Variants in PREX2 observed in about 807,000 individuals in gnomAD.
PREX2 encodes the protein phosphatidylinositol-3,4,5-trisphosphate dependent Rac exchange factor 2.
Under a neutral mutation model 203.2 loss-of-function variants are expected in PREX2, and 107 were observed. The observed-to-expected ratio is 0.53, with a 90% confidence interval of 0.45 to 0.62. The LOEUF (loss-of-function observed/expected upper bound fraction) is 0.62, where lower values mean the gene tolerates loss of function less well. Among genes scored for constraint, PREX2 ranks in the 20% least tolerant of loss-of-function variants. The pLI is 0.00. For synonymous variants in PREX2, 672 were observed against 663.6 expected, an observed-to-expected ratio of 1.01 and a Z score of -0.19; for missense variants, 1,777 against 1,955.9, an observed-to-expected ratio of 0.91 and a Z score of 1.72.
rs1460858634 is a variant in PREX2, at chr8:68,099,789, C to A, written c.2661C>A (p.Ala887=). 1.2e-6 allele frequency: 2 copies of A among 1,611,922 alleles called. No individual in the cohort carries two copies. Among genetic ancestry groups the A allele is most frequent in the Middle Eastern group, 3.3e-4 (2 of 6,052 alleles). Residue 887 remains alanine, a synonymous_variant, in exon 23 of 40, where the codon GCC becomes GCA. Coordinates refer to ENST00000288368, the MANE Select transcript of PREX2 (RefSeq NM_024870.4). The part of the protein sequence containing the change: ...IPTDLQSKFS[A]LCSERIEHLC... ...CTGACCTTCAGAGTAAATTCAGTGCCCTTTGCAGTGAAAGAATTGAACACC... is the reference window on the plus strand; with the variant it reads ...CTGACCTTCAGAGTAAATTCAGTGCACTTTGCAGTGAAAGAATTGAACACC...
chr8:68,025,416 T>C (rs762655183), intron 4 of PREX2, among the ~76,000 whole-genome samples: 4 of 151,994 alleles, frequency 2.6e-5, no homozygotes, highest in Non-Finnish European at 4.4e-5. Flanking sequence ...ATTTTTCTCT[T>C]TTTTGCTGCT....
Position 68,098,936 on chromosome 8 carries a change from G to GTATATA in PREX2, c.2554-745_2554-744insATATAT, listed in dbSNP as rs1353078022. The stretch of plus-strand genomic sequence containing the variant: ...TTAATCAGAAATGCTACATATATAT[G>GTATATA]TGTATATATATATATATATATATAT... On this transcript the variant is annotated intron_variant, in intron 22 of 39. Transcript: ENST00000288368. Among the ~76,000 whole-genome samples, 45 of 74,858 alleles carry GTATATA rather than the reference G, an allele frequency of 6.0e-4. 1 individual carries two copies. Among genetic ancestry groups the GTATATA allele is most frequent in the African/African-American group, 1.9e-3 (38 of 20,188 alleles). 49.1% of individuals were successfully genotyped at this position (74,858 alleles called of 152,430 possible).
chr8:67,992,765 C>T (rs138316534), intron 1 of PREX2, among the ~76,000 whole-genome samples: 27 of 152,276 alleles, frequency 1.8e-4, no homozygotes, highest in Middle Eastern at 3.4e-3. Context: ...GTGCAGATTC[C>T]TTTAGTTTGA....
intron 14 of PREX2, among the ~76,000 whole-genome samples, chr8:68,074,338 T>C (rs1030038706): frequency 6.6e-6 from 1 of 152,158 alleles, no homozygotes; most frequent in African/African-American, 2.4e-5. Context: ...ATAATAGGAA[T>C]TGCATTGGCT....
intron 33 of PREX2, among the ~76,000 whole-genome samples, chr8:68,142,968 T>C (rs953190866): frequency 3.3e-5 from 5 of 152,150 alleles, no homozygotes; most frequent in African/African-American, 1.2e-4. Flanking sequence ...TTGTCAGTGT[T>C]CTGGATTTTG....
At chr8:67,993,598 G>T (rs1806674285) in intron 1 of PREX2, among the ~76,000 whole-genome samples, 1 of 152,046 alleles carries the variant, frequency 6.6e-6, no homozygotes, top group East Asian at 1.9e-4. Flanking sequence ...GGTAGAGATG[G>T]GGTTTCACCA....
At chr8:68,202,801 T>G (rs951310817) in intron 37 of PREX2, among the ~76,000 whole-genome samples, 3 of 152,092 alleles carry the variant, frequency 2.0e-5, no homozygotes, top group African/African-American at 7.2e-5. Flanking sequence ...CTGTGGAGGC[T>G]GAGAAGTCCC....
chr8:68,165,061 C>CT (rs34771971), intron 35 of PREX2, among the ~76,000 whole-genome samples: 4,808 of 146,810 alleles, frequency 0.033, 104 homozygotes, highest in African/African-American at 0.07. Context: ...TTACTTTTGC[C>CT]TTTTTTTTTT....
At chr8:67,989,172 A>G (rs1310379852) in intron 1 of PREX2, among the ~76,000 whole-genome samples, 1 of 152,206 alleles carries the variant, frequency 6.6e-6, no homozygotes, top group East Asian at 1.9e-4. Flanking sequence ...GCTAATATTT[A>G]ATAGAAAAAA....
In PREX2 at chr8:68,131,629, T is replaced by C. The variant is rs76872323; in HGVS notation, c.3767-2430T>C. 3.0e-3 allele frequency among the ~76,000 whole-genome samples: 458 copies of C among 152,320 alleles called. 15 individuals are homozygous for C. In the East Asian group the frequency reaches 0.07, roughly 23 times the overall value. ...TAAAGAGGTTGAAGGAAAAATCTTA[T>C]TTTGGCTTAAATGCAAATAGTATAT... On this transcript the variant is annotated intron_variant, in intron 31 of 39. Coordinates refer to ENST00000288368, the MANE Select transcript of PREX2 (RefSeq NM_024870.4).
At chr8:68,056,383 T>G (rs1158610740) in intron 10 of PREX2, among the ~76,000 whole-genome samples, 3 of 152,036 alleles carry the variant, frequency 2.0e-5, no homozygotes, top group Admixed American at 1.3e-4. Context: ...ACCAGTTAAT[T>G]TAGAATTTAG....
chr8:68,181,786 T>C (rs1180618842), intron 35 of PREX2, among the ~76,000 whole-genome samples: 1 of 152,138 alleles, frequency 6.6e-6, no homozygotes, highest in Non-Finnish European at 1.5e-5. Context: ...TAATTATACA[T>C]TTATTTATTC....
intron 35 of PREX2, among the ~76,000 whole-genome samples, chr8:68,186,616 C>A (rs190416073): frequency 6.6e-6 from 1 of 152,162 alleles, no homozygotes; most frequent in Admixed American, 6.5e-5. Context: ...TGGGTTCAAG[C>A]AATTCTCCTG....
intron 21 of PREX2, 116 bp downstream of exon 21, chr8:68,093,838 T>C: frequency 1.9e-6 from 1 of 518,518 alleles, no homozygotes; most frequent in Non-Finnish European, 3.5e-6. Context: ...TAAGTCGTTA[T>C]CACCAAACAG....
At chr8:68,089,741 T>A (rs1246980712) in intron 19 of PREX2, among the ~76,000 whole-genome samples, 2 of 152,262 alleles carry the variant, frequency 1.3e-5, no homozygotes, top group African/African-American at 4.8e-5. Flanking sequence ...AGATGTTTAA[T>A]AATTTCTTTA....
intron 21 of PREX2, chr8:68,094,950 G>T (rs888983384): frequency 2.6e-5 from 4 of 152,222 alleles, no homozygotes; most frequent in African/African-American, 9.6e-5. Flanking sequence ...CTTGGGTTCA[G>T]TTATTTGCTA....
chr8:68,118,227 C>T (rs963484745), intron 26 of PREX2, among the ~76,000 whole-genome samples: 17 of 151,798 alleles, frequency 1.1e-4, no homozygotes, highest in South Asian at 2.1e-4. Context: ...TGGTGGCGGG[C>T]GCCTGTAGTC....
intron 35 of PREX2, among the ~76,000 whole-genome samples, chr8:68,165,535 ACTCCAGGACTGGAGTC>A (rs2129614097): frequency 6.6e-6 from 1 of 151,802 alleles, no homozygotes; most frequent in African/African-American, 2.4e-5. Flanking sequence ...GCTCACAGCG[ACTCCAGGACTGGAGTC>A]ACTATGTCAC....
At chr8:68,190,107 G>A (rs1023992729) in intron 35 of PREX2, among the ~76,000 whole-genome samples, 63 of 152,270 alleles carry the variant, frequency 4.1e-4, no homozygotes, top group African/African-American at 1.1e-3. Context: ...AGGGTATAGC[G>A]TTGTCGCTCA....
Sources: gnomAD v4.1 joint callset for allele counts (sites outside exome capture counted in the v4.1 genomes callset) on GRCh38, gnomAD v4.1.1 for gene constraint, MANE v1.5 for transcripts, NCBI Gene and HGNC (gene_info 2026-07-23, HGNC 2026-07-21) for gene names.